Variants in MAPK8 observed in about 807,000 individuals in gnomAD.
The protein encoded by MAPK8 is JUN N-terminal kinase.
A neutral mutation model predicts 52.9 loss-of-function variants in MAPK8; 13 were observed. The ratio of observed to expected loss-of-function variants is 0.25; its 90% CI spans 0.16 to 0.39. The LOEUF is 0.39. MAPK8 is among the 10% of genes least tolerant of loss of function. The probability of loss-of-function intolerance (pLI) is 1.00; values close to 1 mark genes in which losing one functional copy is unlikely to be tolerated. For synonymous variants in MAPK8, 191 were observed against 169.8 expected (o/e 1.12, Z -0.97); for missense variants, 300 against 519.2 (o/e 0.58, Z 4.10).
At chr10:48,343,092 A>G (rs1845458325) in intron 1 of MAPK8, among the ~76,000 whole-genome samples, 1 of 152,200 alleles carries the variant, frequency 6.6e-6, no homozygotes, top group Non-Finnish European at 1.5e-5. Context: ...TTGCTTTCCT[A>G]TGGCTGCTTT....
intron 9 of MAPK8, 89 bp downstream of exon 9, chr10:48,426,593 A>G (rs1054758214): frequency 1.7e-6 from 2 of 1,196,986 alleles, no homozygotes; most frequent in African/African-American, 1.6e-5. Flanking sequence ...TTAATTTTAA[A>G]TAAAAATGTA....
At chr10:48,400,385 G>T (rs1463318713) in intron 1 of MAPK8, among the ~76,000 whole-genome samples, 2 of 152,046 alleles carry the variant, frequency 1.3e-5, no homozygotes, top group Non-Finnish European at 2.9e-5. Flanking sequence ...GTTTAGTTTT[G>T]TTTATTTTTA....
Position 48,356,176 on chromosome 10 carries a change from A to G in MAPK8, c.-49-45436A>G, listed in dbSNP as rs75559116. Reference sequence around the variant, plus strand: ...TAAACAAACATTTTTATAAAACAGTAATCATTTTCATAGGCTTTAAAGCAT... The same window carrying G: ...TAAACAAACATTTTTATAAAACAGTGATCATTTTCATAGGCTTTAAAGCAT... On this transcript the variant is annotated intron_variant, in intron 1 of 11. Transcript: ENST00000374189. Among the ~76,000 whole-genome samples, 99 of 152,350 alleles carry G rather than the reference A, an allele frequency of 6.5e-4. 1 individual carries two copies. The East Asian group carries it at 0.017, about 27-fold the overall frequency.
At chr10:48,314,487 A>G (rs1459630160) in intron 1 of MAPK8, among the ~76,000 whole-genome samples, 1 of 152,224 alleles carries the variant, frequency 6.6e-6, no homozygotes, top group East Asian at 1.9e-4. Context: ...TTTTGCTATC[A>G]AAAGCCATGG....
At chr10:48,409,357 G>T (rs1216075287) in intron 3 of MAPK8, among the ~76,000 whole-genome samples, 8 of 152,176 alleles carry the variant, frequency 5.3e-5, no homozygotes, top group Admixed American at 1.3e-4. Flanking sequence ...GAATGAAAAT[G>T]AATTCAGTGT....
chr10:48,423,666 T>G (rs2043497741), intron 6 of MAPK8, among the ~76,000 whole-genome samples: 1 of 152,204 alleles, frequency 6.6e-6, no homozygotes, highest in Non-Finnish European at 1.5e-5. Context: ...CATGCTTTTT[T>G]CTTAGAGAGT....
chr10:48,420,680 C>T (rs990772463), intron 6 of MAPK8, among the ~76,000 whole-genome samples: 2 of 152,104 alleles, frequency 1.3e-5, no homozygotes, highest in African/African-American at 2.4e-5. Context: ...TAGTGTACAT[C>T]AGTGATATTT....
chr10:48,348,824 G>A (rs1269012204), intron 1 of MAPK8, among the ~76,000 whole-genome samples: 2 of 151,990 alleles, frequency 1.3e-5, no homozygotes, highest in East Asian at 3.9e-4. Flanking sequence ...GTAGTGTGAT[G>A]CCTCGAGCTT....
chr10:48,382,720 A>C (rs1447401738), intron 1 of MAPK8, among the ~76,000 whole-genome samples: 3 of 149,986 alleles, frequency 2.0e-5, no homozygotes, highest in African/African-American at 4.9e-5. Context: ...AAAGAGTAAA[A>C]CATAAAGGCC....
chr10:48,358,082 G>T (rs1847153896), intron 1 of MAPK8, among the ~76,000 whole-genome samples: 1 of 152,178 alleles, frequency 6.6e-6, no homozygotes, highest in African/African-American at 2.4e-5. Context: ...ACCTTTGGAT[G>T]TTGCTACCTT....
intron 1 of MAPK8, among the ~76,000 whole-genome samples, chr10:48,393,612 A>G (rs984158228): frequency 5.3e-5 from 8 of 152,144 alleles, no homozygotes; most frequent in Non-Finnish European, 1.2e-4. Flanking sequence ...TAGTATTTAC[A>G]AAGCCCTTGA....
chr10:48,314,006 A>G (rs190279062), intron 1 of MAPK8, among the ~76,000 whole-genome samples: 30 of 152,312 alleles, frequency 2.0e-4, no homozygotes, highest in Middle Eastern at 3.4e-3. Context: ...TATATCAGTC[A>G]TATCAGTATG....
chr10:48,399,257 T>G (rs1436295667), intron 1 of MAPK8, among the ~76,000 whole-genome samples: 1 of 152,236 alleles, frequency 6.6e-6, no homozygotes, highest in Non-Finnish European at 1.5e-5. Flanking sequence ...AGGAGCCAGA[T>G]GCTGATTACC....
intron 1 of MAPK8, among the ~76,000 whole-genome samples, chr10:48,362,206 C>G (rs936790054): frequency 6.6e-6 from 1 of 152,140 alleles, no homozygotes; most frequent in Admixed American, 6.6e-5. Flanking sequence ...TCTCACTATT[C>G]ATTCCCTTCA....
At chr10:48,369,212 C>T (rs534969066) in intron 1 of MAPK8, among the ~76,000 whole-genome samples, 5 of 152,210 alleles carry the variant, frequency 3.3e-5, no homozygotes, top group African/African-American at 1.2e-4. Flanking sequence ...TAAGAGAATA[C>T]AGTAATCCAG....
At chr10:48,366,780 A>C (rs1848089696) in intron 1 of MAPK8, among the ~76,000 whole-genome samples, 4 of 152,202 alleles carry the variant, frequency 2.6e-5, no homozygotes. Flanking sequence ...ATAGGGTTGA[A>C]AAATTTTTTT....
intron 1 of MAPK8, among the ~76,000 whole-genome samples, chr10:48,358,904 C>A (rs1760032798): frequency 6.6e-6 from 1 of 152,078 alleles, no homozygotes; most frequent in South Asian, 2.1e-4. Context: ...TGTCAGAAAT[C>A]GATGACCATT....
At chr10:48,347,542 G>T (rs751682484) in intron 1 of MAPK8, among the ~76,000 whole-genome samples, 27 of 152,092 alleles carry the variant, frequency 1.8e-4, no homozygotes, top group Non-Finnish European at 3.4e-4. Context: ...TGCTATCTCT[G>T]CCCTAGCTCC....
At chr10:48,346,655 G>T (rs951810179) in intron 1 of MAPK8, among the ~76,000 whole-genome samples, 1 of 152,176 alleles carries the variant, frequency 6.6e-6, no homozygotes, top group Non-Finnish European at 1.5e-5. Context: ...TTATCCGGAG[G>T]CCTAACCGTC....
Sources: allele counts gnomAD v4.1 joint callset (sites outside exome capture counted in the v4.1 genomes callset), GRCh38; gene constraint gnomAD v4.1.1; transcripts MANE v1.5; gene names NCBI Gene and HGNC (gene_info 2026-07-23, HGNC 2026-07-21).